PHACTR3: variants seen among roughly 807,000 people sequenced by gnomAD.
PHACTR3 encodes protein phosphatase 1, regulatory subunit 123.
In PHACTR3, 16 loss-of-function variants were observed where a neutral mutation model predicts 66.8. That is an observed-to-expected ratio of 0.24 (90% CI 0.16 to 0.36). The LOEUF (loss-of-function observed/expected upper bound fraction) is 0.36, where lower values mean the gene tolerates loss of function less well. Among genes scored for constraint, PHACTR3 ranks in the 10% least tolerant of loss-of-function variants. PHACTR3 has a pLI of 1.00. For missense variants in PHACTR3, 647 were observed against 719.9 expected (o/e 0.90, Z 1.16); for synonymous variants, 323 against 292.1 (o/e 1.11, Z -1.08).
At chr20:59,788,129 A>G (rs1023238249) in intron 7 of PHACTR3, among the ~76,000 whole-genome samples, 4 of 151,908 alleles carry the variant, frequency 2.6e-5, no homozygotes, top group Non-Finnish European at 4.4e-5. Context: ...CCAAGACCCC[A>G]ATGTCCATTG....
chr20:59,782,952 C>T (rs1034963796), intron 7 of PHACTR3, among the ~76,000 whole-genome samples: 30 of 152,200 alleles, frequency 2.0e-4, no homozygotes, highest in African/African-American at 7.2e-4. Flanking sequence ...TAAAGAAAGC[C>T]TTCTTTGCAG....
At chr20:59,594,054 G>A (rs981831604) in intron 1 of PHACTR3, among the ~76,000 whole-genome samples, 2 of 152,178 alleles carry the variant, frequency 1.3e-5, no homozygotes, top group Admixed American at 6.5e-5. Flanking sequence ...GACTGAGATT[G>A]CATTGAATTT....
chr20:59,708,465 C>G (rs2146636913), intron 1 of PHACTR3, among the ~76,000 whole-genome samples: 1 of 152,278 alleles, frequency 6.6e-6, no homozygotes, highest in Middle Eastern at 3.4e-3. Flanking sequence ...GGGGCAGATG[C>G]CACTTGCACT....
intron 3 of PHACTR3, among the ~76,000 whole-genome samples, chr20:59,751,842 T>C (rs2039598748): frequency 1.3e-5 from 2 of 151,980 alleles, no homozygotes; most frequent in Admixed American, 1.3e-4. Flanking sequence ...CACCCTCGTC[T>C]CGGATATCCG....
chr20:59,635,790 G>A (rs1055135964), intron 1 of PHACTR3, among the ~76,000 whole-genome samples: 13 of 152,180 alleles, frequency 8.5e-5, no homozygotes, highest in African/African-American at 3.1e-4. Context: ...GCTGGGACAG[G>A]GACTACACAA....
intron 3 of PHACTR3, among the ~76,000 whole-genome samples, chr20:59,752,170 C>T (rs1275516201): frequency 2.6e-5 from 4 of 152,186 alleles, no homozygotes; most frequent in Admixed American, 6.5e-5. Context: ...GTAGGAACGC[C>T]GGGGGACACA....
chr20:59,724,060 C>G (rs894933601), intron 1 of PHACTR3, among the ~76,000 whole-genome samples: 1 of 152,156 alleles, frequency 6.6e-6, no homozygotes, highest in African/African-American at 2.4e-5. Context: ...ATGGTCACAC[C>G]TGACCTGAGC....
At chr20:59,717,769 A>T (rs1260804597) in intron 1 of PHACTR3, among the ~76,000 whole-genome samples, 2 of 152,230 alleles carry the variant, frequency 1.3e-5, no homozygotes, top group Non-Finnish European at 2.9e-5. Context: ...TTTTTTGACT[A>T]TTCCTCCAGA....
At chr20:59,693,775 G>A (rs2037194436) in intron 1 of PHACTR3, among the ~76,000 whole-genome samples, 1 of 152,166 alleles carries the variant, frequency 6.6e-6, no homozygotes, top group Non-Finnish European at 1.5e-5. Flanking sequence ...GGTGTCAGCT[G>A]GGATAACTGG....
chr20:59,680,288 G>A (rs2036596609), intron 1 of PHACTR3, among the ~76,000 whole-genome samples: 1 of 152,154 alleles, frequency 6.6e-6, no homozygotes, highest in African/African-American at 2.4e-5. Context: ...TTACATGCAG[G>A]GAAGAGAGTC....
intron 1 of PHACTR3, among the ~76,000 whole-genome samples, chr20:59,673,454 C>A (rs2036265750): frequency 6.6e-6 from 1 of 152,220 alleles, no homozygotes; most frequent in Non-Finnish European, 1.5e-5. Context: ...GTTCGCCCCG[C>A]CCAGGTCAGC....
At chr20:59,647,613 C>G (rs7267313) in intron 1 of PHACTR3, among the ~76,000 whole-genome samples, 18,068 of 152,162 alleles carry the variant, frequency 0.12, 1,292 homozygotes, top group African/African-American at 0.2. Context: ...CTTTCCATCT[C>G]TTTCCCCACT....
intron 1 of PHACTR3, among the ~76,000 whole-genome samples, chr20:59,625,864 C>G (rs1294374208): frequency 6.6e-6 from 1 of 152,120 alleles, no homozygotes; most frequent in Non-Finnish European, 1.5e-5. Context: ...TCGTTTCTGG[C>G]TGGTTCTAGA....
At chr20:59,661,600 C>T (rs921873589) in intron 1 of PHACTR3, among the ~76,000 whole-genome samples, 3 of 152,182 alleles carry the variant, frequency 2.0e-5, no homozygotes, top group Non-Finnish European at 4.4e-5. Context: ...CAATGTGTAC[C>T]AGCAAATGGG....
At chr20:59,807,290 A>G (rs901137181) in intron 8 of PHACTR3, among the ~76,000 whole-genome samples, 2 of 152,206 alleles carry the variant, frequency 1.3e-5, no homozygotes, top group Non-Finnish European at 2.9e-5. Context: ...AACTTTTTAA[A>G]TGTTTTATTA....
chr20:59,615,375 G>A (rs1387263435), intron 1 of PHACTR3, among the ~76,000 whole-genome samples: 1 of 152,220 alleles, frequency 6.6e-6, no homozygotes, highest in African/African-American at 2.4e-5. Flanking sequence ...GCACTACAGT[G>A]TGCATGGAGC....
intron 1 of PHACTR3, among the ~76,000 whole-genome samples, chr20:59,705,634 A>T (rs2037673567): frequency 6.6e-6 from 1 of 152,164 alleles, no homozygotes; most frequent in South Asian, 2.1e-4. Flanking sequence ...AAGGGTGAAC[A>T]ATGAAAGGGG....
chr20:59,776,962 C>T (rs1039776800), intron 7 of PHACTR3, among the ~76,000 whole-genome samples: 3 of 152,206 alleles, frequency 2.0e-5, no homozygotes, highest in Non-Finnish European at 4.4e-5. Flanking sequence ...GTTGTAACAC[C>T]TTATCATCTG....
intron 1 of PHACTR3, among the ~76,000 whole-genome samples, chr20:59,593,885 C>T (rs1253470419): frequency 1.3e-5 from 2 of 152,192 alleles, no homozygotes; most frequent in East Asian, 1.9e-4. Flanking sequence ...GCCAGTATCA[C>T]ACTGTCTTGA....
Sources: gnomAD v4.1 joint callset for allele counts (sites outside exome capture counted in the v4.1 genomes callset) on GRCh38, gnomAD v4.1.1 for gene constraint, MANE v1.5 for transcripts, NCBI Gene and HGNC (gene_info 2026-07-23, HGNC 2026-07-21) for gene names.